The following LRFN2 variants were observed in gnomAD, a reference collection of about 807,000 sequenced individuals.
LRFN2 encodes the protein leucine-rich repeat and fibronectin type-III domain-containing protein 2.
Under a neutral mutation model 37.3 loss-of-function variants are expected in LRFN2, and 18 were observed. The ratio of observed to expected loss-of-function variants is 0.48; its 90% CI spans 0.33 to 0.72. The LOEUF is 0.72. Ranked by LOEUF, LRFN2 falls within the 30% of genes least tolerant of loss-of-function variation. LRFN2 has a pLI of 0.02. For synonymous variants in LRFN2, 556 were observed against 466.6 expected (o/e 1.19, Z -2.47); for missense variants, 1,006 against 1,060.7 (o/e 0.95, Z 0.72).
intron 1 of LRFN2, among the ~76,000 whole-genome samples, chr6:40,433,568 G>A (rs1763569140): frequency 6.6e-6 from 1 of 152,108 alleles, no homozygotes; most frequent in Admixed American, 6.6e-5. Flanking sequence ...CCATATCATT[G>A]GCTTATCCAA....
In LRFN2 at chr6:40,392,129, GT is replaced by G; in HGVS notation, c.2183del (p.Asp728AlafsTer57). ...AKRSHSFDMG[D>X]FAAAAAGGVV... The stretch of plus-strand genomic sequence containing the variant: ...CCCCTCCCGCCGCCGCAGCAGCAAA[GT>G]CCCCCATGTCGAAGGAGTGGCTGCG... On this transcript the variant is annotated frameshift_variant, in exon 3 of 3. Coordinates refer to ENST00000338305, the MANE Select transcript of LRFN2 (RefSeq NM_020737.3). LOFTEE classifies it high-confidence loss of function. The surrounding 1 kb of genome is among the most constrained non-coding windows in gnomAD (Gnocchi z 4.7). The G allele has an allele frequency of 6.2e-7, 1 of 1,612,398 alleles. No homozygotes were observed. The highest frequency in any genetic ancestry group is 8.5e-7 in the Non-Finnish European group (1 of 1,179,276).
At chr6:40,575,892 C>T (rs192532413) in intron 1 of LRFN2, among the ~76,000 whole-genome samples, 3 of 152,264 alleles carry the variant, frequency 2.0e-5, no homozygotes, top group East Asian at 1.9e-4. Flanking sequence ...CATTCCTTCA[C>T]CTGTAAAATG....
chr6:40,400,164 A>G (rs1430300460), intron 2 of LRFN2, among the ~76,000 whole-genome samples: 1 of 151,826 alleles, frequency 6.6e-6, no homozygotes, highest in Non-Finnish European at 1.5e-5. Context: ...GGGGTCGTTC[A>G]TGTACACCTT....
intron 1 of LRFN2, among the ~76,000 whole-genome samples, chr6:40,444,307 C>T (rs565332927): frequency 6.6e-6 from 1 of 152,242 alleles, no homozygotes; most frequent in East Asian, 1.9e-4. Flanking sequence ...GAGACAGAGA[C>T]AGACGAGAGA....
intron 1 of LRFN2, among the ~76,000 whole-genome samples, chr6:40,500,055 C>A (rs1412463944): frequency 6.6e-6 from 1 of 152,246 alleles, no homozygotes; most frequent in East Asian, 1.9e-4. Flanking sequence ...AGCTCCCTGC[C>A]TGTGGGATGG....
intron 1 of LRFN2, among the ~76,000 whole-genome samples, chr6:40,500,063 T>C (rs894827320): frequency 1.1e-4 from 16 of 152,238 alleles, no homozygotes; most frequent in Non-Finnish European, 2.4e-4. Context: ...GCCTGTGGGA[T>C]GGATGCCCAG....
At chr6:40,558,622 C>T (rs1245804116) in intron 1 of LRFN2, among the ~76,000 whole-genome samples, 2 of 152,020 alleles carry the variant, frequency 1.3e-5, no homozygotes, top group Non-Finnish European at 2.9e-5. Context: ...AGTTTGGGGC[C>T]CAGTGGGGGA....
At chr6:40,418,520 A>G (rs1763146566) in intron 2 of LRFN2, among the ~76,000 whole-genome samples, 1 of 152,190 alleles carries the variant, frequency 6.6e-6, no homozygotes, top group Non-Finnish European at 1.5e-5. Flanking sequence ...TTGACCAGAC[A>G]ATAAATATTT....
At chr6:40,567,830 G>T (rs557704855) in intron 1 of LRFN2, among the ~76,000 whole-genome samples, 1 of 152,238 alleles carries the variant, frequency 6.6e-6, no homozygotes, top group South Asian at 2.1e-4. Context: ...AAGCGGAGGT[G>T]CTGGTGAGGC....
intron 1 of LRFN2, among the ~76,000 whole-genome samples, chr6:40,567,502 T>C (rs1435706166): frequency 3.9e-5 from 6 of 152,178 alleles, no homozygotes; most frequent in African/African-American, 1.4e-4. Flanking sequence ...AAACACGTGA[T>C]TACAAAGCTG....
chr6:40,581,695 TAGGAGGTTCC>T (rs1348203783), intron 1 of LRFN2, among the ~76,000 whole-genome samples: 3 of 152,226 alleles, frequency 2.0e-5, no homozygotes, highest in Non-Finnish European at 2.9e-5. Flanking sequence ...TAGGCATTTT[TAGGAGGTTCC>T]AGGAGCTCAG....
At chr6:40,463,603 A>T (rs150202591) in intron 1 of LRFN2, among the ~76,000 whole-genome samples, 162 of 151,728 alleles carry the variant, frequency 1.1e-3, no homozygotes, top group African/African-American at 3.6e-3. Context: ...TTAAGTGAGC[A>T]GTGATACTTA....
At chr6:40,577,477 C>T (rs949846503) in intron 1 of LRFN2, among the ~76,000 whole-genome samples, 4 of 151,546 alleles carry the variant, frequency 2.6e-5, no homozygotes, top group Non-Finnish European at 5.9e-5. Flanking sequence ...TACATGTGCA[C>T]ATTGTGCAGG....
chr6:40,403,026 A>G (rs1204311108), intron 2 of LRFN2, among the ~76,000 whole-genome samples: 1 of 152,218 alleles, frequency 6.6e-6, no homozygotes, highest in East Asian at 1.9e-4. Context: ...GGAGAGTAGT[A>G]GGAAATGAAG....
At chr6:40,463,649 T>C (rs1222869132) in intron 1 of LRFN2, among the ~76,000 whole-genome samples, 1 of 150,114 alleles carries the variant, frequency 6.7e-6, no homozygotes, top group Non-Finnish European at 1.5e-5. Context: ...CCTGCATACA[T>C]CATACTATTT....
intron 1 of LRFN2, among the ~76,000 whole-genome samples, chr6:40,440,422 G>A (rs1763805914): frequency 6.6e-6 from 1 of 152,180 alleles, no homozygotes. Context: ...TGAGTCGATG[G>A]TAGCAAATCC....
intron 2 of LRFN2, among the ~76,000 whole-genome samples, chr6:40,405,412 G>A (rs1407102742): frequency 5.3e-5 from 8 of 152,114 alleles, no homozygotes; most frequent in African/African-American, 1.9e-4. Context: ...CTGTAAAATG[G>A]GGCGTTCATA....
intron 1 of LRFN2, among the ~76,000 whole-genome samples, chr6:40,513,549 T>C (rs555367201): frequency 3.4e-4 from 52 of 152,264 alleles, no homozygotes; most frequent in Non-Finnish European, 6.5e-4. Flanking sequence ...TAACAATTTT[T>C]TGAACACCTA....
chr6:40,409,578 G>T (rs1762917646), intron 2 of LRFN2, among the ~76,000 whole-genome samples: 1 of 152,142 alleles, frequency 6.6e-6, no homozygotes, highest in African/African-American at 2.4e-5. Flanking sequence ...TCTTGAACAA[G>T]GGATTTTGCT....
Sources: gnomAD v4.1 joint callset for allele counts (sites outside exome capture counted in the v4.1 genomes callset) on GRCh38, gnomAD v4.1.1 for gene constraint, Gnocchi (gnomAD v3.1) non-coding constraint, MANE v1.5 for transcripts, NCBI Gene and HGNC (gene_info 2026-07-23, HGNC 2026-07-21) for gene names.